ZNF394: variants seen among roughly 807,000 people sequenced by gnomAD.
The protein encoded by ZNF394 is zinc finger protein 99.
A neutral mutation model predicts 21.8 loss-of-function variants in ZNF394; 19 were observed. The observed-to-expected ratio is 0.87, with a 90% CI of 0.61 to 1.28. The LOEUF (loss-of-function observed/expected upper bound fraction) is 1.28, where lower values mean the gene tolerates loss of function less well. ZNF394 is among the 50% of genes most tolerant of loss of function. The pLI, the probability that ZNF394 is intolerant of heterozygous loss-of-function variation, is 0.00. For missense variants in ZNF394, 683 were observed against 708.6 expected, an observed-to-expected ratio of 0.96 and a Z score of 0.41; for synonymous variants, 294 against 273.3, an observed-to-expected ratio of 1.08 and a Z score of -0.75.
At chr7:99,488,719 G>A (rs914149778), downstream of ZNF394, among the ~76,000 whole-genome samples, 1 of 151,138 alleles carries the variant, frequency 6.6e-6, no homozygotes, top group Non-Finnish European at 1.5e-5. Context: ...CACAAGGTCA[G>A]GAGTTCAGGA....
intron 1 of ZNF394, 60 bp downstream of exon 1, chr7:99,499,578 G>A (rs1306310175): frequency 2.8e-6 from 4 of 1,442,520 alleles, no homozygotes; most frequent in Non-Finnish European, 1.9e-6. Context: ...GAAACGCAGA[G>A]CACCCCTAAA....
In ZNF394 at chr7:99,494,131, T is replaced by G; in HGVS notation, c.1084A>C (p.Asn362His). The stretch of plus-strand genomic sequence containing the variant: ...CGTTGTTTGAAACTCTTCCCACAGT[T>G]ACCACATTTATAAGGTCTTTCTTCA... The part of the protein sequence containing the change: ...LHEERPYKCG[N>H]CGKSFKQRSD... The change falls in exon 3 of 3, where the codon AAC becomes CAC. Residue 362 changes from asparagine (N) to histidine (H), a missense_variant. Physicochemically the swap from Asn to His is moderately conservative, Grantham distance 68. Coordinates refer to ENST00000337673, the MANE Select transcript of ZNF394 (RefSeq NM_032164.4). 1.2e-6 allele frequency: 2 copies of G among 1,614,240 alleles called. No individual in the cohort carries two copies. Among genetic ancestry groups the G allele is most frequent in the South Asian group, 2.2e-5 (2 of 91,090 alleles).
chr7:99,492,252 C>A (rs955339162), downstream of ZNF394, among the ~76,000 whole-genome samples: 1 of 151,932 alleles, frequency 6.6e-6, no homozygotes, highest in African/African-American at 2.4e-5. Context: ...TAGTTGAAAC[C>A]CTCTCTACAA....
At chr7:99,491,793 A>T (rs999293700), downstream of ZNF394, among the ~76,000 whole-genome samples, 13 of 145,868 alleles carry the variant, frequency 8.9e-5, no homozygotes, top group Non-Finnish European at 1.7e-4. Context: ...AAAAAAAAAA[A>T]GCCAGGCACA....
At position 99,498,850 on chromosome 7, in the gene ZNF394, AAC is replaced by A; in HGVS notation, c.457-10_457-9del. ...CTCGAAAGTCACCATCCCCTGGAAC[AAC>A]ACAAGAGCCCCATTCAGTACCTGCT... On this transcript the variant is annotated splice_polypyrimidine_tract_variant and intron_variant, in intron 1 of 2. Coordinates refer to ENST00000337673, the MANE Select transcript of ZNF394 (RefSeq NM_032164.4). 9 of 1,611,088 alleles carry A rather than the reference AAC, an allele frequency of 5.6e-6. No homozygotes were observed. The highest frequency in any genetic ancestry group is 7.6e-6 in the Non-Finnish European group (9 of 1,178,232).
intron 1 of ZNF394, 94 bp from the exon 2 acceptor site, chr7:99,498,936 G>A: frequency 2.1e-6 from 3 of 1,451,644 alleles, no homozygotes; most frequent in Non-Finnish European, 2.8e-6. Context: ...AGTTTGGAGA[G>A]ATCAGAGATA....
At position 99,493,637 on chromosome 7, in the gene ZNF394, T is replaced by C; in HGVS notation, c.1578A>G (p.Lys526=). ...QRIHTGEKPY[K]CLECGERFRQ... ...TAAATCTTTCCCCACATTCAAGACA[T>C]TTGTAAGGCTTTTCCCCAGTGTGAA... Residue 526 remains lysine, a synonymous_variant, in exon 3 of 3, where the codon AAA becomes AAG. Coordinates refer to ENST00000337673, the MANE Select transcript of ZNF394 (RefSeq NM_032164.4). 6.2e-7 allele frequency: 1 copy of C among 1,614,204 alleles called. No homozygotes were observed. Among genetic ancestry groups the C allele is most frequent in the South Asian group, 1.1e-5 (1 of 91,088 alleles).
downstream of ZNF394, among the ~76,000 whole-genome samples, chr7:99,489,085 C>T (rs1331062389): frequency 2.6e-5 from 4 of 151,800 alleles, no homozygotes; most frequent in Non-Finnish European, 5.9e-5. Flanking sequence ...GAGTTTGAGA[C>T]CAGCCTGGCC....
chr7:99,489,434 G>A (rs1047974440), downstream of ZNF394, among the ~76,000 whole-genome samples: 1 of 152,108 alleles, frequency 6.6e-6, no homozygotes, highest in African/African-American at 2.4e-5. Context: ...CACATTCTGG[G>A]AGCAGCTGTC....
intron 2 of ZNF394, among the ~76,000 whole-genome samples, chr7:99,495,615 A>G (rs966013650): frequency 1.4e-5 from 2 of 145,348 alleles, no homozygotes; most frequent in Non-Finnish European, 3.0e-5. Flanking sequence ...GTGAGCCACC[A>G]CACCCAGCTA....
At chr7:99,498,088 A>G (rs1354785577) in intron 2 of ZNF394, 1 of 152,246 alleles carries the variant, frequency 6.6e-6, no homozygotes, top group East Asian at 1.9e-4. Context: ...AAGAATATAC[A>G]AGAATGTTCG....
At position 99,498,856 on chromosome 7, in the gene ZNF394, A is replaced by G; in HGVS notation, c.457-14T>C. On this transcript the variant is annotated splice_polypyrimidine_tract_variant and intron_variant, in intron 1 of 2. Coordinates refer to ENST00000337673, the MANE Select transcript of ZNF394 (RefSeq NM_032164.4). ...AGTCACCATCCCCTGGAACAACACA[A>G]GAGCCCCATTCAGTACCTGCTGTCC... 1 of 1,609,466 alleles carries G rather than the reference A, an allele frequency of 6.2e-7. No homozygotes were observed. Among genetic ancestry groups the G allele is most frequent in the Non-Finnish European group, 8.5e-7 (1 of 1,177,222 alleles).
downstream of ZNF394, among the ~76,000 whole-genome samples, chr7:99,491,771 C>CCA (rs1800165322): frequency 2.9e-5 from 1 of 34,966 alleles, no homozygotes; most frequent in African/African-American, 1.2e-4. Flanking sequence ...GAATCTGTCT[C>CCA]AAAAAAAAAA....
At chr7:99,497,001 G>A (rs1738040859) in intron 2 of ZNF394, among the ~76,000 whole-genome samples, 1 of 150,286 alleles carries the variant, frequency 6.7e-6, no homozygotes, top group African/African-American at 2.5e-5. Context: ...GTGGGGACAC[G>A]TTCCAAGTCC....
chr7:99,487,187 C>T, intron 1 of ZNF394: 1 of 1,614,134 alleles, frequency 6.2e-7, no homozygotes, highest in South Asian at 1.1e-5. Context: ...GGCCGGCATT[C>T]AACCCTTCTA....
chr7:99,488,439 T>A (rs1309350710), downstream of ZNF394, among the ~76,000 whole-genome samples: 1 of 148,960 alleles, frequency 6.7e-6, no homozygotes, highest in African/African-American at 2.5e-5. Context: ...GAGGTGGAGG[T>A]TGCAGTGAGC....
At position 99,500,050 on chromosome 7, in the gene ZNF394, T is replaced by C. The variant is rs1286069917; in HGVS notation, c.44A>G (p.Glu15Gly). The C allele has an allele frequency of 6.3e-7, 1 of 1,588,234 alleles. No homozygotes were observed. Among genetic ancestry groups the C allele is most frequent in the Non-Finnish European group, 8.5e-7 (1 of 1,170,918 alleles). ...CGCAGCCATCACCCAGGGTCCCAAC[T>C]CGGCGTCACTGCCGCGCCTCTGGGC... is the stretch of plus-strand genomic sequence containing the variant. ...LTAQRRGSDAELGPWVMAARS... is the reference protein window; with the variant it reads ...LTAQRRGSDAGLGPWVMAARS... Residue 15 changes from glutamate (E) to glycine (G), a missense_variant, in exon 1 of 3, where the codon GAG (glutamate) becomes GGG (glycine). By Grantham distance (98) the Glu-to-Gly change is moderately conservative. This residue lies in a region of ZNF394 where 402 missense variants were observed against 373.8 expected (regional missense o/e 1.08). Coordinates refer to ENST00000337673, the MANE Select transcript of ZNF394 (RefSeq NM_032164.4).
At chr7:99,497,122 G>GTGTGTGTGTA (rs1322382800) in intron 2 of ZNF394, among the ~76,000 whole-genome samples, 160 of 79,400 alleles carry the variant, frequency 2.0e-3, no homozygotes, top group African/African-American at 3.8e-3. Context: ...GTGTGTGTGT[G>GTGTGTGTGTA]TATATATATA....
chr7:99,488,833 TAGG>T (rs1800092326), downstream of ZNF394, among the ~76,000 whole-genome samples: 1 of 141,986 alleles, frequency 7.0e-6, no homozygotes, highest in Non-Finnish European at 1.5e-5. Context: ...GAGGCTGAGG[TAGG>T]AGAATCACCT....
Sources: allele counts gnomAD v4.1 joint callset (sites outside exome capture counted in the v4.1 genomes callset), GRCh38; gene constraint gnomAD v4.1.1; regional missense constraint gnomAD v4.1.1; transcripts MANE v1.5; gene names NCBI Gene and HGNC (gene_info 2026-07-23, HGNC 2026-07-21).